PRKG1: variants seen among roughly 807,000 people sequenced by gnomAD.
The protein encoded by PRKG1 is cGMP-dependent protein kinase 1.
In PRKG1, 35 loss-of-function variants were observed where a neutral mutation model predicts 88.1. That is an observed-to-expected ratio of 0.40 (90% CI 0.30 to 0.53). The LOEUF (loss-of-function observed/expected upper bound fraction) is 0.53. PRKG1 is among the 20% of genes least tolerant of loss of function. PRKG1 has a pLI of 0.59. For missense variants in PRKG1, 540 were observed against 839.8 expected (o/e 0.64, Z 4.41); for synonymous variants, 303 against 292.5 (o/e 1.04, Z -0.37).
chr10:51,230,142 A>G (rs942595261), intron 2 of PRKG1, among the ~76,000 whole-genome samples: 5 of 152,164 alleles, frequency 3.3e-5, no homozygotes, highest in African/African-American at 1.2e-4. Flanking sequence ...ATGAAAGAAC[A>G]TTTATTCAGT....
chr10:51,680,702 T>G (rs1479104213), intron 3 of PRKG1, among the ~76,000 whole-genome samples: 1 of 152,228 alleles, frequency 6.6e-6, no homozygotes, highest in Admixed American at 6.5e-5. Flanking sequence ...ACTCTGTACT[T>G]TCCTTTAATT....
chr10:52,271,454 G>A lies in PRKG1; in HGVS notation c.1278G>A (p.Gln426=). 6.2e-7 allele frequency: 1 copy of A among 1,612,942 alleles called. No homozygotes were observed. The highest frequency in any genetic ancestry group is 8.5e-7 in the Non-Finnish European group (1 of 1,179,334). ...RQQEHIRSEK[Q]IMQGAHSDFI... is the part of the protein sequence containing the mutation. ...AGGAGCACATCCGCTCAGAGAAGCA[G>A]ATCATGCAGGGGGCTCATTCCGATT... Residue 426 remains glutamine (Q), a synonymous_variant, in exon 11 of 18, where the codon CAG becomes CAA. Transcript: ENST00000373980.
At chr10:51,561,923 G>C (rs764462066) in intron 3 of PRKG1, among the ~76,000 whole-genome samples, 2 of 151,890 alleles carry the variant, frequency 1.3e-5, no homozygotes, top group Non-Finnish European at 2.9e-5. Flanking sequence ...ATATAGAACT[G>C]GTTTAATACA....
At chr10:51,840,083 T>C (rs146561632) in intron 4 of PRKG1, among the ~76,000 whole-genome samples, 7,560 of 152,286 alleles carry the variant, frequency 0.05, 272 homozygotes, top group Non-Finnish European at 0.079. Context: ...CCTTTCTCCC[T>C]AATGTCCATC....
intron 3 of PRKG1, among the ~76,000 whole-genome samples, chr10:51,761,181 G>C (rs1234983621): frequency 6.6e-6 from 1 of 152,184 alleles, no homozygotes; most frequent in African/African-American, 2.4e-5. Flanking sequence ...TAAAGTATTT[G>C]CTTCATGTTC....
chr10:51,925,101 T>C (rs1842544840), intron 5 of PRKG1, among the ~76,000 whole-genome samples: 1 of 152,080 alleles, frequency 6.6e-6, no homozygotes, highest in African/African-American at 2.4e-5. Context: ...TTGTTTGCTT[T>C]TATGTTTTGC....
intron 2 of PRKG1, among the ~76,000 whole-genome samples, chr10:51,238,387 C>A (rs1476185535): frequency 1.3e-5 from 2 of 152,086 alleles, no homozygotes; most frequent in African/African-American, 4.8e-5. Context: ...TTGAGACCAG[C>A]CTGGTCAACA....
At chr10:51,917,135 T>A (rs1842358998) in intron 5 of PRKG1, among the ~76,000 whole-genome samples, 1 of 151,958 alleles carries the variant, frequency 6.6e-6, no homozygotes, top group African/African-American at 2.4e-5. Flanking sequence ...CTGCCCAACA[T>A]GGTGAAACCC....
chr10:51,620,912 A>G (rs981158783), intron 3 of PRKG1, among the ~76,000 whole-genome samples: 1 of 151,430 alleles, frequency 6.6e-6, no homozygotes, highest in African/African-American at 2.4e-5. Flanking sequence ...TTATAGATCA[A>G]GGATTGGAAT....
chr10:51,214,504 C>G (rs1838318311), intron 2 of PRKG1, among the ~76,000 whole-genome samples: 1 of 151,008 alleles, frequency 6.6e-6, no homozygotes, highest in Admixed American at 6.6e-5. Context: ...TTTTTTTTGA[C>G]AGGGTATTGC....
chr10:51,597,082 T>C (rs1315628580), intron 3 of PRKG1, among the ~76,000 whole-genome samples: 1 of 152,238 alleles, frequency 6.6e-6, no homozygotes, highest in African/African-American at 2.4e-5. Flanking sequence ...AGGAAAAGTA[T>C]ATTTTTTCAA....
chr10:51,468,962 G>A (rs983037631), intron 3 of PRKG1, among the ~76,000 whole-genome samples: 71 of 151,870 alleles, frequency 4.7e-4, no homozygotes, highest in Non-Finnish European at 4.1e-4. Context: ...AACACCAATT[G>A]CAAATGGGCC....
chr10:51,908,734 A>ATATTTTTTTT (rs563212069), intron 5 of PRKG1: 2 of 52,222 alleles, frequency 3.8e-5, no homozygotes, highest in Non-Finnish European at 9.6e-5. Context: ...TCTATATGTA[A>ATATTTTTTTT]TTTTTTTTTT....
chr10:51,047,168 C>G (rs1843500519), intron 1 of PRKG1, among the ~76,000 whole-genome samples: 1 of 152,080 alleles, frequency 6.6e-6, no homozygotes, highest in Non-Finnish European at 1.5e-5. Context: ...AAGGTGAGAG[C>G]CTCAAGGTCT....
chr10:52,012,512 G>C (rs146143230), intron 5 of PRKG1, among the ~76,000 whole-genome samples: 1 of 152,104 alleles, frequency 6.6e-6, no homozygotes, highest in South Asian at 2.1e-4. Flanking sequence ...AAAGTGCTGG[G>C]ATTACAGGCG....
chr10:51,485,921 C>G lies in PRKG1; in HGVS notation c.592+18085C>G, dbSNP rs1377654490. Among the ~76,000 whole-genome samples the G allele has an allele frequency of 2.6e-5, 4 of 152,054 alleles. No homozygotes were observed. The South Asian group carries it at 6.2e-4, about 24-fold the overall frequency. On this transcript the variant is annotated intron_variant, in intron 3 of 17. Transcript: ENST00000373980. The stretch of plus-strand genomic sequence containing the variant: ...CTGTTGATGCATGGCAAGATAGACT[C>G]TCCCCAGCCATAGGCAACAGTTCTC...
chr10:51,248,276 C>G lies in PRKG1; in HGVS notation c.478+94946C>G, dbSNP rs954198172. ...AGTCAGGATCAAATATTCATACATC[C>G]AGATCTTCCAGAGATAAGATGGATT... is the stretch of plus-strand genomic sequence containing the variant. On this transcript the variant is annotated intron_variant, in intron 2 of 17. Coordinates refer to ENST00000373980, the MANE Select transcript of PRKG1 (RefSeq NM_006258.4). 1.3e-5 allele frequency among the ~76,000 whole-genome samples: 2 copies of G among 151,930 alleles called. 1 individual carries two copies. The highest frequency in any genetic ancestry group is 6.8e-3 in the Middle Eastern group (2 of 294).
At chr10:52,224,973 G>T (rs974321060) in intron 9 of PRKG1, among the ~76,000 whole-genome samples, 2 of 151,598 alleles carry the variant, frequency 1.3e-5, no homozygotes, top group African/African-American at 2.4e-5. Context: ...TTCAAGTAAT[G>T]ACTTCTTTTC....
chr10:51,989,941 G>C (rs1180248738), intron 5 of PRKG1, among the ~76,000 whole-genome samples: 1 of 151,912 alleles, frequency 6.6e-6, no homozygotes, highest in Non-Finnish European at 1.5e-5. Flanking sequence ...AAGATTTCAG[G>C]TTTTACATTT....
Sources: gnomAD v4.1 joint callset for allele counts (sites outside exome capture counted in the v4.1 genomes callset) on GRCh38, gnomAD v4.1.1 for gene constraint, MANE v1.5 for transcripts, NCBI Gene and HGNC (gene_info 2026-07-23, HGNC 2026-07-21) for gene names.